Variants in TMEM144 observed in about 807,000 individuals in gnomAD.
TMEM144 encodes the protein transmembrane protein 144.
A neutral mutation model predicts 43.6 loss-of-function variants in TMEM144; 39 were observed. The observed-to-expected ratio is 0.90, with a 90% CI of 0.69 to 1.17. TMEM144 has a LOEUF of 1.17. TMEM144 is among the 50% of genes most tolerant of loss of function. The pLI is 0.00. For missense variants in TMEM144, 417 were observed against 411.9 expected, an observed-to-expected ratio of 1.01 and a Z score of -0.11; for synonymous variants, 154 against 133.6, an observed-to-expected ratio of 1.15 and a Z score of -1.06.
chr4:158,237,581 T>C lies in TMEM144; in HGVS notation c.620T>C (p.Ile207Thr), dbSNP rs759833316. ...CTCTATGGATCTACATTTGTGCCAA[T>C]CATCTACATCAAGGACCACAGCAAA... ...GVLYGSTFVP[I>T]IYIKDHSKRN... Residue 207 changes from isoleucine to threonine, a missense_variant, in exon 9 of 13, where the codon ATC (isoleucine) becomes ACC (threonine). Ile to Thr is a moderately conservative substitution (Grantham distance 89). Coordinates refer to ENST00000296529, the MANE Select transcript of TMEM144 (RefSeq NM_018342.5). 3.1e-6 allele frequency: 5 copies of C among 1,613,890 alleles called. No individual in the cohort carries two copies. Among genetic ancestry groups the C allele is most frequent in the Admixed American group, 1.7e-5 (1 of 59,988 alleles).
chr4:158,251,201 G>C (rs1278706576), intron 12 of TMEM144, among the ~76,000 whole-genome samples: 1 of 152,188 alleles, frequency 6.6e-6, no homozygotes, highest in Non-Finnish European at 1.5e-5. Context: ...TGCTAGTCTT[G>C]TTTTACTTTG....
intron 6 of TMEM144, among the ~76,000 whole-genome samples, chr4:158,222,604 C>T (rs546610829): frequency 9.2e-5 from 14 of 152,282 alleles, no homozygotes; most frequent in Non-Finnish European, 1.8e-4. Flanking sequence ...CTTTGTATTA[C>T]TTATACAGTC....
rs111640330 is a variant in TMEM144 at position 158,250,420 on chromosome 4, T to A, written c.955-3024T>A. On this transcript the variant is annotated intron_variant, in intron 12 of 12. Coordinates refer to ENST00000296529, the MANE Select transcript of TMEM144 (RefSeq NM_018342.5). ...GACCTTTAAGGAAGTGTGAGGGAAG[T>A]AGGCAAAATGAAACCAGACAAAAGT... Among the ~76,000 whole-genome samples, 851 of 152,192 alleles carry A rather than the reference T, an allele frequency of 5.6e-3. 11 individuals are homozygous for A. Among genetic ancestry groups the A allele is most frequent in the African/African-American group, 0.02 (816 of 41,528 alleles).
rs1387857931 is a variant in TMEM144, at chr4:158,237,538, G to A, written c.577G>A (p.Ala193Thr). 1.9e-6 allele frequency: 3 copies of A among 1,612,872 alleles called. No individual in the cohort carries two copies. Among genetic ancestry groups the A allele is most frequent in the African/African-American group, 2.7e-5 (2 of 74,996 alleles). Reference protein sequence around the residue: ...VHHRIVGCSLAVISGVLYGST... With the variant: ...VHHRIVGCSLTVISGVLYGST... ...TTGTTTTGTAAGGGGCTGCAGTCTT[G>A]CAGTGATATCTGGAGTACTCTATGG... Residue 193 changes from alanine to threonine, a missense_variant, in exon 9 of 13, where the codon GCA becomes ACA. Physicochemically the swap from Ala to Thr is moderately conservative, Grantham distance 58 (BLOSUM62 0). Coordinates refer to ENST00000296529, the MANE Select transcript of TMEM144 (RefSeq NM_018342.5).
chr4:158,245,219 T>C (rs1046525390), intron 12 of TMEM144, among the ~76,000 whole-genome samples: 6 of 64,080 alleles, frequency 9.4e-5, no homozygotes, highest in Non-Finnish European at 1.9e-4. Context: ...TAAGAGTGTG[T>C]GTGTGTGTGT....
chr4:158,211,742 A>C (rs138798269), intron 2 of TMEM144, 168 bp downstream of exon 2: 24 of 152,366 alleles, frequency 1.6e-4, no homozygotes, highest in African/African-American at 5.5e-4. Flanking sequence ...TTGTTTTAAG[A>C]AAGTCCACAC....
intron 1 of TMEM144, 153 bp from the exon 2 acceptor site, chr4:158,211,300 G>A (rs572332737): frequency 2.0e-5 from 3 of 152,154 alleles, no homozygotes; most frequent in Admixed American, 2.0e-4. Context: ...GGCCTTTGTG[G>A]AGCCTTCTCA....
chr4:158,229,901 T>C (rs1394896045), intron 6 of TMEM144, among the ~76,000 whole-genome samples: 1 of 152,192 alleles, frequency 6.6e-6, no homozygotes, highest in Non-Finnish European at 1.5e-5. Flanking sequence ...TACCCTTCCC[T>C]CACCCAGGGA....
At chr4:158,216,335 G>A (rs1579103024) in intron 4 of TMEM144, among the ~76,000 whole-genome samples, 1 of 152,190 alleles carries the variant, frequency 6.6e-6, no homozygotes, top group South Asian at 2.1e-4. Context: ...ATAGCAGAAT[G>A]GGAGGAGCCA....
At chr4:158,212,426 C>A (rs978643469) in intron 2 of TMEM144, among the ~76,000 whole-genome samples, 182 bp from the exon 3 acceptor site, 5 of 151,978 alleles carry the variant, frequency 3.3e-5, no homozygotes, top group Non-Finnish European at 5.9e-5. Flanking sequence ...GGCTAGTGAT[C>A]AAAAATATTT....
intron 7 of TMEM144, 33 bp downstream of exon 7, chr4:158,233,015 A>C (rs1345501453): frequency 2.0e-6 from 3 of 1,476,660 alleles, no homozygotes; most frequent in Non-Finnish European, 2.8e-6. Context: ...CTTGATTTGA[A>C]ACATAAAATT....
intron 5 of TMEM144, among the ~76,000 whole-genome samples, chr4:158,219,086 C>A (rs906104653): frequency 1.3e-5 from 2 of 152,022 alleles, no homozygotes; most frequent in African/African-American, 4.8e-5. Flanking sequence ...GTACTCCAGC[C>A]TGGATGACAG....
At chr4:158,237,348 C>G in intron 8 of TMEM144, 177 bp from the exon 9 acceptor site, 5 of 549,722 alleles carry the variant, frequency 9.1e-6, no homozygotes, top group Non-Finnish European at 1.6e-5. Context: ...AGTCCTGATG[C>G]CACTTTAATA....
At chr4:158,220,914 T>G (rs1207923846) in intron 6 of TMEM144, among the ~76,000 whole-genome samples, 1 of 152,168 alleles carries the variant, frequency 6.6e-6, no homozygotes, top group Non-Finnish European at 1.5e-5. Flanking sequence ...CTAAGAGGAA[T>G]TTCTGGAATA....
intron 12 of TMEM144, among the ~76,000 whole-genome samples, chr4:158,248,435 C>A (rs1401754755): frequency 6.6e-6 from 1 of 151,940 alleles, no homozygotes; most frequent in Non-Finnish European, 1.5e-5. Context: ...AAATAACTAA[C>A]CACATAAATA....
intron 12 of TMEM144, among the ~76,000 whole-genome samples, chr4:158,252,251 T>G: frequency 6.6e-6 from 1 of 152,142 alleles, no homozygotes; most frequent in African/African-American, 2.4e-5. Flanking sequence ...TCTCAGTAGT[T>G]CCCATCTTTA....
intron 5 of TMEM144, among the ~76,000 whole-genome samples, chr4:158,218,643 T>G (rs1734355410): frequency 6.6e-6 from 1 of 152,144 alleles, no homozygotes; most frequent in Admixed American, 6.5e-5. Context: ...CCTAGAAATT[T>G]TTTAAAAGTC....
Position 158,253,499 on chromosome 4 carries a change from C to A in TMEM144, c.1010C>A (p.Ala337Asp), listed in dbSNP as rs746745445. 1 of 1,613,750 alleles carries A rather than the reference C, an allele frequency of 6.2e-7. No homozygotes were observed. The highest frequency in any genetic ancestry group is 1.1e-5 in the South Asian group (1 of 91,048). Reference sequence around the variant, plus strand: ...GCATTTTGCATCATCTTGACTGGAGCCTTATGCACTGCTTTTTCTAAAATC... The same window carrying A: ...GCATTTTGCATCATCTTGACTGGAGACTTATGCACTGCTTTTTCTAAAATC... ...ILAFCIILTG[A>D]LCTAFSKI The change falls in exon 13 of 13, where the codon GCC becomes GAC. Residue 337 changes from alanine (A) to aspartate (D), a missense_variant. Ala to Asp is a moderately radical substitution (Grantham distance 126, BLOSUM62 -2). Coordinates refer to ENST00000296529, the MANE Select transcript of TMEM144 (RefSeq NM_018342.5).
chr4:158,211,660 T>A (rs1340192505), intron 2 of TMEM144, 86 bp downstream of exon 2: 2 of 152,232 alleles, frequency 1.3e-5, no homozygotes, highest in African/African-American at 4.8e-5. Flanking sequence ...TGTGTCAATG[T>A]TGAAATGTGC....
Sources: allele counts gnomAD v4.1 joint callset (sites outside exome capture counted in the v4.1 genomes callset), GRCh38; gene constraint gnomAD v4.1.1; transcripts MANE v1.5; gene names NCBI Gene and HGNC (gene_info 2026-07-23, HGNC 2026-07-21).